KCNMB3: variants seen among roughly 807,000 people sequenced by gnomAD.
KCNMB3 encodes the protein potassium calcium-activated channel subfamily M regulatory beta subunit 3, also known as calcium-activated potassium channel subunit beta-3.
KCNMB3 carries 18 observed loss-of-function variants against 11.9 expected under a neutral mutation model. The ratio of observed to expected loss-of-function variants is 1.51; its 90% CI spans 1.04 to 2.23. The LOEUF (loss-of-function observed/expected upper bound fraction) is 2.23, where lower values mean the gene tolerates loss of function less well. Among genes scored for constraint, KCNMB3 ranks in the 30% most tolerant of loss-of-function variants. KCNMB3 has a pLI of 0.00. For missense variants in KCNMB3, 247 were observed against 329.4 expected, an observed-to-expected ratio of 0.75 and a Z score of 1.94; for synonymous variants, 78 against 119.2, an observed-to-expected ratio of 0.65 and a Z score of 2.25.
intron 1 of KCNMB3, among the ~76,000 whole-genome samples, chr3:179,258,432 T>A (rs1480406462): frequency 6.6e-6 from 1 of 152,188 alleles, no homozygotes. Context: ...CTTTCAGACC[T>A]TTACTTGTTA....
intron 1 of KCNMB3, among the ~76,000 whole-genome samples, chr3:179,258,476 C>A (rs1416854482): frequency 6.6e-6 from 1 of 152,174 alleles, no homozygotes; most frequent in Non-Finnish European, 1.5e-5. Flanking sequence ...AGGTGCAAAT[C>A]TTTTCAGTGA....
At chr3:179,246,041 T>C (rs78545026) in intron 1 of KCNMB3, among the ~76,000 whole-genome samples, 1 of 152,176 alleles carries the variant, frequency 6.6e-6, no homozygotes, top group African/African-American at 2.4e-5. Context: ...CACACTCACA[T>C]ATAGGTGGAC....
upstream of KCNMB3, among the ~76,000 whole-genome samples, chr3:179,256,391 A>ACAC (rs1350411127): frequency 4.6e-5 from 7 of 152,130 alleles, no homozygotes; most frequent in Admixed American, 1.3e-4. Flanking sequence ...AGCCAAGATC[A>ACAC]CACCACTGCA....
chr3:179,266,369 G>T (rs1881920), intron 1 of KCNMB3, among the ~76,000 whole-genome samples: 1 of 152,148 alleles, frequency 6.6e-6, no homozygotes, highest in African/African-American at 2.4e-5. Context: ...ACCAACTATG[G>T]GCTGGGCTAT....
intron 1 of KCNMB3, chr3:179,261,038 A>G: frequency 9.9e-7 from 1 of 1,008,404 alleles, no homozygotes; most frequent in Admixed American, 1.7e-5. Context: ...AGTCCCACCC[A>G]GAAAGGCCAG....
chr3:179,261,564 A>G (rs1283436723), intron 1 of KCNMB3, among the ~76,000 whole-genome samples: 1 of 122,236 alleles, frequency 8.2e-6, no homozygotes, highest in South Asian at 2.7e-4. Flanking sequence ...CGCCCGCCCC[A>G]TGGCCCGCCC....
At chr3:179,261,150 TG>T in intron 1 of KCNMB3, 1 of 1,336,450 alleles carries the variant, frequency 7.5e-7, no homozygotes, top group Non-Finnish European at 1.0e-6. Context: ...AGCTCCTTCA[TG>T]GGGATCTCAC....
At chr3:179,262,734 A>G (rs938271358) in intron 1 of KCNMB3, among the ~76,000 whole-genome samples, 1 of 152,192 alleles carries the variant, frequency 6.6e-6, no homozygotes, top group African/African-American at 2.4e-5. Context: ...TGAGCTAGAC[A>G]CAAAGGTTCT....
upstream of KCNMB3, among the ~76,000 whole-genome samples, chr3:179,252,281 T>C (rs547930871): frequency 4.6e-5 from 7 of 152,158 alleles, no homozygotes; most frequent in Non-Finnish European, 8.8e-5. Context: ...AGTATCTCCA[T>C]TTTAAGAAGC....
Position 179,259,388 on chromosome 3 carries a change from T to C in KCNMB3, c.62+7261A>G. 3 of 1,584,344 alleles carry C rather than the reference T, an allele frequency of 1.9e-6. No homozygotes were observed. In the South Asian group the frequency reaches 3.5e-5, roughly 19 times the overall value. On this transcript the variant is annotated intron_variant, in intron 1 of 3. Coordinates refer to the KCNMB3 transcript ENST00000349697. Reference sequence around the variant, plus strand: ...CTTCACCACCAGCCCTCGGGCCTGATGATTGAACTGTGACATCCTCAAAAT... The same window carrying C: ...CTTCACCACCAGCCCTCGGGCCTGACGATTGAACTGTGACATCCTCAAAAT...
chr3:179,243,741 TCA>T (rs1404393610), intron 2 of KCNMB3, among the ~76,000 whole-genome samples: 8 of 152,288 alleles, frequency 5.3e-5, no homozygotes, highest in East Asian at 1.9e-4. Context: ...TGCTCTAGAC[TCA>T]CAGAGAGGGA....
Position 179,244,596 on chromosome 3 carries a change from G to C in KCNMB3, c.346C>G (p.Gln116Glu), listed in dbSNP as rs1162213754. 1.1e-5 allele frequency: 18 copies of C among 1,613,990 alleles called. No individual in the cohort carries two copies. The highest frequency in any genetic ancestry group is 1.4e-5 in the Non-Finnish European group (17 of 1,180,034). Residue 116 changes from glutamine to glutamate, a missense_variant, in exon 2 of 3, where the codon CAG becomes GAG. Physicochemically the swap from Gln to Glu is conservative, Grantham distance 29. This residue lies in a region of KCNMB3 where 160 missense variants were observed against 157.5 expected (regional missense o/e 1.02). Coordinates refer to ENST00000392685, the MANE Select transcript of KCNMB3 (RefSeq NM_171830.2). ...AFTCGVHCHG[Q>E]GKYPCLQVFV... ...ACCTGAAGACACGGGTACTTCCCCTGACCGTGGCAGTGCACACCACAGGTG... is the reference window on the plus strand; with the variant it reads ...ACCTGAAGACACGGGTACTTCCCCTCACCGTGGCAGTGCACACCACAGGTG...
upstream of KCNMB3, chr3:179,251,187 T>C (rs1392370005): frequency 6.3e-7 from 1 of 1,599,528 alleles, no homozygotes; most frequent in African/African-American, 1.3e-5. Flanking sequence ...CTCATGCAAG[T>C]CTGTAGAGAT....
At position 179,244,468 on chromosome 3, in the gene KCNMB3, A is replaced by G. The variant is rs375604060; in HGVS notation, c.447+27T>C. 4.1e-5 allele frequency: 65 copies of G among 1,595,104 alleles called. No homozygotes were observed. The African/African-American group carries it at 7.8e-4, about 19-fold the overall frequency. ...AGTCTGGCAGGGAAGGGTTGCTGTC[A>G]TAAGAACTCTTTAAACTTTACAATA... is the stretch of plus-strand genomic sequence containing the variant. On this transcript the variant is annotated intron_variant, in intron 2 of 2. Coordinates refer to ENST00000392685, the MANE Select transcript of KCNMB3 (RefSeq NM_171830.2).
intron 1 of KCNMB3, among the ~76,000 whole-genome samples, chr3:179,258,245 C>A (rs1726088606): frequency 6.6e-6 from 1 of 152,180 alleles, no homozygotes; most frequent in Non-Finnish European, 1.5e-5. Flanking sequence ...TGTAATTTGA[C>A]ATGTATCACT....
intron 1 of KCNMB3, among the ~76,000 whole-genome samples, chr3:179,257,770 T>C (rs150063166): frequency 1.3e-4 from 20 of 152,304 alleles, no homozygotes; most frequent in East Asian, 9.6e-4. Flanking sequence ...TAGAGTATAG[T>C]GGTGCAATCA....
At chr3:179,249,268 C>T (rs897020187) in intron 1 of KCNMB3, among the ~76,000 whole-genome samples, 9 of 150,416 alleles carry the variant, frequency 6.0e-5, no homozygotes, top group East Asian at 2.0e-4. Context: ...CCATCTCGGC[C>T]TCCCAAAGTG....
intron 1 of KCNMB3, among the ~76,000 whole-genome samples, chr3:179,263,530 G>A (rs1014041814): frequency 4.6e-5 from 7 of 152,230 alleles, no homozygotes; most frequent in Non-Finnish European, 8.8e-5. Flanking sequence ...CTGCCAGCAC[G>A]TTGTCACCTC....
chr3:179,262,937 T>C (rs1253850617), intron 1 of KCNMB3, among the ~76,000 whole-genome samples: 2 of 152,218 alleles, frequency 1.3e-5, no homozygotes, highest in Non-Finnish European at 2.9e-5. Context: ...ATCTCTTAGC[T>C]AAACATAAAC....
Sources: allele counts gnomAD v4.1 joint callset (sites outside exome capture counted in the v4.1 genomes callset), GRCh38; gene constraint gnomAD v4.1.1; regional missense constraint gnomAD v4.1.1; transcripts MANE v1.5; gene names NCBI Gene and HGNC (gene_info 2026-07-23, HGNC 2026-07-21).